CDC42EP3: variants seen among roughly 807,000 people sequenced by gnomAD.
CDC42EP3 encodes CDC42 effector protein 3.
Under a neutral mutation model 15.5 loss-of-function variants are expected in CDC42EP3, and 4 were observed. That is an observed-to-expected ratio of 0.26 (90% CI 0.13 to 0.59). The LOEUF (loss-of-function observed/expected upper bound fraction) is 0.59, where lower values mean the gene tolerates loss of function less well. Among genes scored for constraint, CDC42EP3 ranks in the 20% least tolerant of loss-of-function variants. The pLI, the probability that CDC42EP3 is intolerant of heterozygous loss-of-function variation, is 0.89. For missense variants in CDC42EP3, 309 were observed against 311.2 expected (o/e 0.99, Z 0.05); for synonymous variants, 145 against 130.3 (o/e 1.11, Z -0.77).
chr2:37,664,029 C>A (rs1370366485), intron 1 of CDC42EP3, among the ~76,000 whole-genome samples: 2 of 152,090 alleles, frequency 1.3e-5, no homozygotes, highest in Non-Finnish European at 2.9e-5. Context: ...AAAAAATTAG[C>A]CGGTCGTTGT....
chr2:37,648,420 C>T (rs904137821), intron 1 of CDC42EP3, among the ~76,000 whole-genome samples: 1 of 152,236 alleles, frequency 6.6e-6, no homozygotes, highest in Admixed American at 6.5e-5. Context: ...GTTTTAAATT[C>T]ATTTACCAGT....
chr2:37,650,653 G>C (rs547853173), intron 1 of CDC42EP3, among the ~76,000 whole-genome samples: 1 of 152,290 alleles, frequency 6.6e-6, no homozygotes, highest in Admixed American at 6.5e-5. Flanking sequence ...CCACATGGCT[G>C]GGCTCTGAGC....
rs1665288406 is a variant in CDC42EP3, at chr2:37,642,159, A to G, written c.*3664T>C. On this transcript the variant is annotated 3_prime_UTR_variant, in exon 2 of 2. Transcript: ENST00000295324. ...TTGCTGGATGAAATAGTGCACCATC[A>G]GAATAAAGCATGCAATATATTTACA... The G allele has an allele frequency of 6.6e-6, 1 of 152,254 alleles. No individual in the cohort carries two copies. The highest frequency in any genetic ancestry group is 1.5e-5 in the Non-Finnish European group (1 of 68,038). The allele number at this position is 152,254 out of a possible 1,614,324, so 9.4% of individuals were successfully genotyped here.
chr2:37,650,470 G>A (rs1387329134), intron 1 of CDC42EP3, among the ~76,000 whole-genome samples: 4 of 152,276 alleles, frequency 2.6e-5, no homozygotes, highest in South Asian at 2.1e-4. Flanking sequence ...GATACAAGTC[G>A]GTATTTGTTG....
At chr2:37,647,735 C>T (rs1215884862) in intron 1 of CDC42EP3, 6 of 152,166 alleles carry the variant, frequency 3.9e-5, no homozygotes, top group Non-Finnish European at 8.8e-5. Flanking sequence ...GGCAATAGGT[C>T]CCTGATTAGG....
chr2:37,657,741 G>T (rs1665923192), intron 1 of CDC42EP3, among the ~76,000 whole-genome samples: 1 of 152,150 alleles, frequency 6.6e-6, no homozygotes, highest in African/African-American at 2.4e-5. Flanking sequence ...TCAACTGAGG[G>T]TGATATTTGT....
intron 1 of CDC42EP3, among the ~76,000 whole-genome samples, chr2:37,650,174 G>C (rs1042948869): frequency 6.6e-6 from 1 of 152,208 alleles, no homozygotes; most frequent in East Asian, 1.9e-4. Context: ...TTCCTCCCCA[G>C]CTCAGGGGCA....
intron 1 of CDC42EP3, among the ~76,000 whole-genome samples, chr2:37,652,417 C>T (rs370368350): frequency 1.3e-5 from 2 of 152,206 alleles, no homozygotes; most frequent in East Asian, 3.9e-4. Flanking sequence ...AACTAGGGAG[C>T]GGGCCCTCCT....
rs890348466 is a variant in CDC42EP3 at position 37,650,119 on chromosome 2, A to G, written c.-235-3297T>C. Among the ~76,000 whole-genome samples, 3 of 152,314 alleles carry G rather than the reference A, an allele frequency of 2.0e-5. No individual in the cohort carries two copies. The East Asian group carries it at 5.8e-4, about 29-fold the overall frequency. ...AAGTTGACGTTTGTGCTGCTGGGAA[A>G]GTATCTGGCAGCTCTGATCTAGTCC... On this transcript the variant is annotated intron_variant, in intron 1 of 1. Transcript: ENST00000295324.
upstream of CDC42EP3, chr2:37,671,700 CGGGGCCGGCGGCGCGGGGA>C (rs1666429048): frequency 6.7e-6 from 1 of 149,980 alleles, no homozygotes; most frequent in Non-Finnish European, 1.5e-5. Flanking sequence ...CGGCGCGGGG[CGGGGCCGGCGGCGCGGGGA>C]CTCACTGGGG....
chr2:37,664,834 T>C (rs1008460204), intron 1 of CDC42EP3, among the ~76,000 whole-genome samples: 1 of 152,110 alleles, frequency 6.6e-6, no homozygotes, highest in Non-Finnish European at 1.5e-5. Context: ...ATACCGCATG[T>C]GCTCACTTGT....
chr2:37,669,736 T>TA (rs1666348013), intron 1 of CDC42EP3, among the ~76,000 whole-genome samples: 2 of 152,192 alleles, frequency 1.3e-5, no homozygotes, highest in Non-Finnish European at 2.9e-5. Flanking sequence ...CCTCTAAAGT[T>TA]CTTATCTGTG....
chr2:37,646,556 G>A lies in CDC42EP3; in HGVS notation c.32C>T (p.Ala11Val), dbSNP rs1443831480. 1.9e-6 allele frequency: 3 copies of A among 1,555,770 alleles called. No individual in the cohort carries two copies. The highest frequency in any genetic ancestry group is 2.6e-6 in the Non-Finnish European group (3 of 1,154,284). The stretch of plus-strand genomic sequence containing the variant: ...TTTCTTTCCTTTCTTGTTATTGGCT[G>A]CTTTCAGGTAAATTGGGGTCTTGGC... MPAKTPIYLK[A>V]ANNKKGKKFK... The change falls in exon 2 of 2, where the codon GCA (alanine) becomes GTA (valine). Residue 11 changes from alanine (A) to valine (V), a missense_variant. Ala to Val is a moderately conservative substitution (Grantham distance 64). Transcript: ENST00000295324.
chr2:37,654,033 T>C (rs796280804), intron 1 of CDC42EP3, among the ~76,000 whole-genome samples: 6 of 152,306 alleles, frequency 3.9e-5, no homozygotes, highest in African/African-American at 1.4e-4. Context: ...ACCACTGCAC[T>C]ACTGCACCAT....
In CDC42EP3 at chr2:37,645,592, A is replaced by G. The variant is rs925749456; in HGVS notation, c.*231T>C. 3 of 395,838 alleles carry G rather than the reference A, an allele frequency of 7.6e-6. No individual in the cohort carries two copies. Among genetic ancestry groups the G allele is most frequent in the African/African-American group, 6.2e-5 (3 of 48,508 alleles). 24.5% of individuals were successfully genotyped at this position (395,838 alleles called of 1,614,324 possible). On this transcript the variant is annotated 3_prime_UTR_variant, in exon 2 of 2. Coordinates refer to ENST00000295324, the MANE Select transcript of CDC42EP3 (RefSeq NM_006449.5). Reference sequence around the variant, plus strand: ...AGCCGAACATCACCAATGCCTCCTGAAAATGGGCTCTGACTCACTTCCTTT... The same window carrying G: ...AGCCGAACATCACCAATGCCTCCTGGAAATGGGCTCTGACTCACTTCCTTT...
chr2:37,658,050 C>A (rs1436606803), intron 1 of CDC42EP3, among the ~76,000 whole-genome samples: 1 of 152,142 alleles, frequency 6.6e-6, no homozygotes, highest in Non-Finnish European at 1.5e-5. Flanking sequence ...GAAGTCTGAA[C>A]CCCTGTCTTA....
Position 37,670,776 on chromosome 2 carries a change from A to G in CDC42EP3, c.-236+650T>C, listed in dbSNP as rs71437589. Among the ~76,000 whole-genome samples, 643 of 96,736 alleles carry G rather than the reference A, an allele frequency of 6.6e-3. 4 individuals are homozygous for G. Among genetic ancestry groups the G allele is most frequent in the Non-Finnish European group, 0.012 (490 of 40,164 alleles). The allele number at this position is 96,736 out of a possible 152,430, so 63.5% of individuals were successfully genotyped here. On this transcript the variant is annotated intron_variant, in intron 1 of 1. Transcript: ENST00000295324. ...CCCAAAGTCGAGAGAGGGATAGAGTATAATAATTCATAACGAAAAAATGGC... is the reference window on the plus strand; with the variant it reads ...CCCAAAGTCGAGAGAGGGATAGAGTGTAATAATTCATAACGAAAAAATGGC...
chr2:37,654,009 C>T (rs879765953), intron 1 of CDC42EP3, among the ~76,000 whole-genome samples: 10 of 152,164 alleles, frequency 6.6e-5, no homozygotes, highest in Non-Finnish European at 1.0e-4. Context: ...TCGCACTATG[C>T]GGCCAGTCAC....
intron 1 of CDC42EP3, among the ~76,000 whole-genome samples, chr2:37,656,617 A>G (rs1465910401): frequency 6.6e-6 from 1 of 152,252 alleles, no homozygotes; most frequent in African/African-American, 2.4e-5. Context: ...AAGCAGTCTT[A>G]GATGAAGCCT....
Sources: allele counts gnomAD v4.1 joint callset (sites outside exome capture counted in the v4.1 genomes callset), GRCh38; gene constraint gnomAD v4.1.1; transcripts MANE v1.5; gene names NCBI Gene and HGNC (gene_info 2026-07-23, HGNC 2026-07-21).